LINGO2: variants seen among roughly 807,000 people sequenced by gnomAD.
LINGO2 encodes leucine-rich repeat and immunoglobulin-like domain-containing nogo receptor-interacting protein 2.
Under a neutral mutation model 30.6 loss-of-function variants are expected in LINGO2, and 14 were observed. The observed-to-expected ratio is 0.46, with a 90% CI of 0.30 to 0.72. The LOEUF (loss-of-function observed/expected upper bound fraction) is 0.72. Among genes scored for constraint, LINGO2 ranks in the 30% least tolerant of loss-of-function variants. The pLI, the probability that LINGO2 is intolerant of heterozygous loss-of-function variation, is 0.07. For synonymous variants in LINGO2, 317 were observed against 288.5 expected, an observed-to-expected ratio of 1.10 and a Z score of -1.00; for missense variants, 729 against 751.7, an observed-to-expected ratio of 0.97 and a Z score of 0.35.
chr9:29,119,129 C>A, the LINGO2 span, among the ~76,000 whole-genome samples: 6 of 152,058 alleles, frequency 3.9e-5, no homozygotes, highest in Non-Finnish European at 2.9e-5. Context: ...CCTGCCCATG[C>A]GATGGCCAGG....
chr9:28,041,196 C>A (rs1018028302), intron 4 of LINGO2, among the ~76,000 whole-genome samples: 4 of 152,148 alleles, frequency 2.6e-5, no homozygotes, highest in Non-Finnish European at 4.4e-5. Context: ...TCTATTGCAC[C>A]TCATAAACTG....
intron 4 of LINGO2, 96 bp downstream of exon 6, chr9:28,295,112 C>G (rs1032051827): frequency 6.6e-6 from 1 of 152,178 alleles, no homozygotes; most frequent in Non-Finnish European, 1.5e-5. Flanking sequence ...ACTTAGAAAA[C>G]AAATAGAAAA....
intron 1 of LINGO2, among the ~76,000 whole-genome samples, chr9:28,663,207 G>A (rs12336785): frequency 0.013 from 1,972 of 152,186 alleles, 45 homozygotes; most frequent in African/African-American, 0.044. Context: ...GTCTCACTCT[G>A]TTGCCCAGGC....
the LINGO2 span, among the ~76,000 whole-genome samples, chr9:29,027,160 G>C: frequency 6.6e-6 from 1 of 152,060 alleles, no homozygotes; most frequent in Non-Finnish European, 1.5e-5. Flanking sequence ...TAAATAAAAT[G>C]AGGCAAAAAT....
At chr9:29,114,183 T>C in the LINGO2 span, among the ~76,000 whole-genome samples, 1 of 151,650 alleles carries the variant, frequency 6.6e-6, no homozygotes, top group African/African-American at 2.4e-5. Context: ...TATATATATT[T>C]TTTTTAAGCA....
chr9:28,587,418 T>C (rs1824609823), intron 1 of LINGO2, among the ~76,000 whole-genome samples: 2 of 151,986 alleles, frequency 1.3e-5, no homozygotes, highest in South Asian at 4.1e-4. Context: ...ACAGAGAGAA[T>C]TGTTTCTTGC....
the LINGO2 span, among the ~76,000 whole-genome samples, chr9:28,989,249 G>A: frequency 6.6e-6 from 1 of 152,152 alleles, no homozygotes; most frequent in East Asian, 1.9e-4. Context: ...TTGTTTAGAT[G>A]ACTTCTAATT....
the LINGO2 span, among the ~76,000 whole-genome samples, chr9:28,869,851 A>T: frequency 1.3e-5 from 2 of 152,024 alleles, no homozygotes; most frequent in East Asian, 3.9e-4. Context: ...TCCCACCAAG[A>T]TTCAGTACCC....
chr9:28,044,310 T>C (rs1046416898), intron 4 of LINGO2, among the ~76,000 whole-genome samples: 3 of 152,232 alleles, frequency 2.0e-5, no homozygotes, highest in African/African-American at 7.2e-5. Flanking sequence ...GTATTTTAAA[T>C]GGTATACATG....
the LINGO2 span, among the ~76,000 whole-genome samples, chr9:28,906,835 CA>C: frequency 6.6e-6 from 1 of 151,722 alleles, no homozygotes; most frequent in African/African-American, 2.4e-5. Flanking sequence ...AAAGGCAAAA[CA>C]ATACAAGGTA....
At chr9:29,167,516 C>A in the LINGO2 span, among the ~76,000 whole-genome samples, 2 of 152,126 alleles carry the variant, frequency 1.3e-5, no homozygotes, top group Admixed American at 6.5e-5. Flanking sequence ...GTCAGCAAAA[C>A]ATCTGAATGA....
chr9:28,052,876 A>G (rs902267851), intron 4 of LINGO2, among the ~76,000 whole-genome samples: 14 of 152,122 alleles, frequency 9.2e-5, no homozygotes, highest in African/African-American at 2.9e-4. Flanking sequence ...TGGACTTGCA[A>G]TATCTAGATA....
At chr9:28,506,485 C>CAGACATATATAT (rs1820135121) in intron 1 of LINGO2, among the ~76,000 whole-genome samples, 6 of 73,392 alleles carry the variant, frequency 8.2e-5, no homozygotes, top group Non-Finnish European at 8.1e-5. Flanking sequence ...CACACATACA[C>CAGACATATATAT]ATACACACAC....
chr9:28,829,069 A>C, the LINGO2 span, among the ~76,000 whole-genome samples: 1 of 151,884 alleles, frequency 6.6e-6, no homozygotes, highest in East Asian at 1.9e-4. Flanking sequence ...AGCCATAAAA[A>C]CCCCCAGGAC....
In LINGO2 at chr9:27,999,451, AGAG is replaced by A. The variant is rs529329769; in HGVS notation, c.-36+12901_-36+12903del. Among the ~76,000 whole-genome samples, 213 of 149,092 alleles carry A rather than the reference AGAG, an allele frequency of 1.4e-3. 1 individual carries two copies. The highest frequency in any genetic ancestry group is 5.1e-3 in the African/African-American group (201 of 39,544). The stretch of plus-strand genomic sequence containing the variant: ...GCCTAATCTTCAGAGAGAGAGAGAG[AGAG>A]AGAGAGAGAGAGAGAGAGTCTGTGT... On this transcript the variant is annotated intron_variant, in intron 5 of 5. Coordinates refer to ENST00000379992, the Ensembl canonical transcript of LINGO2.
intron 3 of LINGO2, among the ~76,000 whole-genome samples, chr9:28,370,972 C>T (rs1272065456): frequency 6.6e-6 from 1 of 152,164 alleles, no homozygotes; most frequent in African/African-American, 2.4e-5. Context: ...AGTATACCTA[C>T]AGTGGCTAAT....
At chr9:28,992,272 C>A in the LINGO2 span, among the ~76,000 whole-genome samples, 1 of 151,862 alleles carries the variant, frequency 6.6e-6, no homozygotes, top group Non-Finnish European at 1.5e-5. Flanking sequence ...ACAAAGAAGG[C>A]CATTACATAA....
chr9:28,215,156 C>A (rs958834509), intron 4 of LINGO2, among the ~76,000 whole-genome samples: 3 of 151,666 alleles, frequency 2.0e-5, no homozygotes, highest in African/African-American at 7.2e-5. Context: ...GATCAAGATA[C>A]CCTCAAAAGC....
At chr9:28,399,820 A>C (rs1822187922) in intron 2 of LINGO2, among the ~76,000 whole-genome samples, 1 of 152,138 alleles carries the variant, frequency 6.6e-6, no homozygotes, top group African/African-American at 2.4e-5. Flanking sequence ...TTCTATTTTC[A>C]GTTCTAAGAT....
Sources: gnomAD v4.1 joint callset for allele counts (sites outside exome capture counted in the v4.1 genomes callset) on GRCh38, gnomAD v4.1.1 for gene constraint, MANE v1.5 for transcripts, NCBI Gene and HGNC (gene_info 2026-07-23, HGNC 2026-07-21) for gene names.